The following VSX2 variants were observed in gnomAD, a reference collection of about 807,000 sequenced individuals.
VSX2 encodes ceh-10 homeo domain containing homolog.
A neutral mutation model predicts 32.1 loss-of-function variants in VSX2; 28 were observed. That is an observed-to-expected ratio of 0.87 (90% CI 0.65 to 1.20). The LOEUF is 1.20. Among genes scored for constraint, VSX2 ranks in the 50% most tolerant of loss-of-function variants. The probability of loss-of-function intolerance (pLI) is 0.00; values close to 1 mark genes in which losing one functional copy is unlikely to be tolerated. For synonymous variants in VSX2, 243 were observed against 214.1 expected, an observed-to-expected ratio of 1.14 and a Z score of -1.18; for missense variants, 506 against 488.7, an observed-to-expected ratio of 1.04 and a Z score of -0.33.
At chr14:74,260,041 G>A (rs1183967910) in intron 4 of VSX2, among the ~76,000 whole-genome samples, 1 of 152,204 alleles carries the variant, frequency 6.6e-6, no homozygotes, top group Non-Finnish European at 1.5e-5. Context: ...TTTGTCCTGT[G>A]AGAACAGTGT....
At chr14:74,253,448 T>G (rs752948226) in intron 3 of VSX2, among the ~76,000 whole-genome samples, 6 of 152,200 alleles carry the variant, frequency 3.9e-5, no homozygotes, top group Non-Finnish European at 8.8e-5. Context: ...GTGAAAGGTA[T>G]CCTAGAACAT....
intron 4 of VSX2, 41 bp from the exon 5 acceptor site, chr14:74,260,553 C>T (rs1326194409): frequency 1.9e-6 from 3 of 1,556,782 alleles, no homozygotes; most frequent in Admixed American, 1.9e-5. Flanking sequence ...ATGGCTTTCC[C>T]AGGCGCTTTT....
In VSX2 at chr14:74,241,199, T is replaced by C. The variant is rs758711468; in HGVS notation, c.388T>C (p.Ser130Pro). ...CTTTTCAGATTCTGAAGATGTTTCC[T>C]CCAGCGATCGAAAAATGTCCAAATC... ...TASSDSEDVS[S>P]SDRKMSKSAL... The change falls in exon 2 of 5, where the codon TCC becomes CCC. Residue 130 changes from serine (S) to proline (P), a missense_variant. Transcript: ENST00000261980. 1 of 1,613,476 alleles carries C rather than the reference T, an allele frequency of 6.2e-7. No individual in the cohort carries two copies. The highest frequency in any genetic ancestry group is 1.1e-5 in the South Asian group (1 of 91,080).
Position 74,239,649 on chromosome 14 carries a change from A to G in VSX2, c.88A>G (p.Thr30Ala), listed in dbSNP as rs1021777049. Reference sequence around the variant, plus strand: ...CTCGGGGGGCGCCCCGGCCAGGTGCACTGGGTTCGGCATCCAGGAGATCCT... The same window carrying G: ...CTCGGGGGGCGCCCCGGCCAGGTGCGCTGGGTTCGGCATCCAGGAGATCCT... ...STSGGAPARC[T>A]GFGIQEILGL... The change falls in exon 1 of 5, where the codon ACT becomes GCT. Residue 30 changes from threonine (T) to alanine (A), a missense_variant. Coordinates refer to ENST00000261980, the MANE Select transcript of VSX2 (RefSeq NM_182894.3). 1 of 1,550,892 alleles carries G rather than the reference A, an allele frequency of 6.4e-7. No homozygotes were observed. The highest frequency in any genetic ancestry group is 1.2e-5 in the South Asian group (1 of 84,058).
At chr14:74,249,193 C>T (rs10136850) in intron 3 of VSX2, among the ~76,000 whole-genome samples, 122,698 of 152,226 alleles carry the variant, frequency 0.81, 49,919 homozygotes, top group Admixed American at 0.88. Context: ...TTAATAAAAA[C>T]AGTGTTGTTA....
chr14:74,258,851 C>T (rs1360790968), intron 3 of VSX2, among the ~76,000 whole-genome samples: 1 of 152,230 alleles, frequency 6.6e-6, no homozygotes, highest in African/African-American at 2.4e-5. Flanking sequence ...CCCCCACTCC[C>T]TCCCAGGTCC....
chr14:74,245,300 G>A lies in VSX2; in HGVS notation c.579+12G>A, dbSNP rs2079185331. 6.2e-7 allele frequency: 1 copy of A among 1,613,166 alleles called. No homozygotes were observed. Among genetic ancestry groups the A allele is most frequent in the East Asian group, 2.2e-5 (1 of 44,826 alleles). On this transcript the variant is annotated intron_variant, in intron 3 of 4. Transcript: ENST00000261980. Reference sequence around the variant, plus strand: ...AAGACAGGATACAGGTAACAGCCCTGAGCCCCTCTCCCCTCCACTCTCCCC... The same window carrying A: ...AAGACAGGATACAGGTAACAGCCCTAAGCCCCTCTCCCCTCCACTCTCCCC...
chr14:74,245,434 C>T (rs2079186272), intron 3 of VSX2, 146 bp downstream of exon 3: 1 of 1,156,586 alleles, frequency 8.6e-7, no homozygotes, highest in Non-Finnish European at 1.2e-6. Context: ...CCTATTTAAG[C>T]TGAACACCTG....
At chr14:74,244,365 T>C (rs2079170295) in intron 2 of VSX2, among the ~76,000 whole-genome samples, 1 of 151,992 alleles carries the variant, frequency 6.6e-6, no homozygotes, top group South Asian at 2.1e-4. Flanking sequence ...AGGTGGCCCT[T>C]CCCTTGTCAG....
intron 2 of VSX2, among the ~76,000 whole-genome samples, chr14:74,241,699 G>A (rs1228534483): frequency 1.3e-5 from 2 of 152,224 alleles, no homozygotes; most frequent in Non-Finnish European, 2.9e-5. Context: ...CGGGGTCCCT[G>A]TCCTCTCTGC....
At chr14:74,246,669 C>A (rs1414811639) in intron 3 of VSX2, among the ~76,000 whole-genome samples, 1 of 152,160 alleles carries the variant, frequency 6.6e-6, no homozygotes, top group Non-Finnish European at 1.5e-5. Flanking sequence ...CCCTGCCTGG[C>A]CTTCATTAGC....
At chr14:74,244,881 A>AGTGTGT (rs57885912) in intron 2 of VSX2, among the ~76,000 whole-genome samples, 44 of 51,316 alleles carry the variant, frequency 8.6e-4, no homozygotes, top group South Asian at 5.5e-3. Context: ...AGAGAGAGAA[A>AGTGTGT]GTGTGTGTGT....
At position 74,248,245 on chromosome 14, in the gene VSX2, C is replaced by T. The variant is rs911667945; in HGVS notation, c.579+2957C>T. Reference sequence around the variant, plus strand: ...CTCCAAGTCTGGAGTTAGAAATTCTCGGCCACGCAGTGGCTCAGGCCTGTA... The same window carrying T: ...CTCCAAGTCTGGAGTTAGAAATTCTTGGCCACGCAGTGGCTCAGGCCTGTA... On this transcript the variant is annotated intron_variant, in intron 3 of 4. Coordinates refer to ENST00000261980, the MANE Select transcript of VSX2 (RefSeq NM_182894.3). Among the ~76,000 whole-genome samples, 5 of 149,494 alleles carry T rather than the reference C, an allele frequency of 3.3e-5. No individual in the cohort carries two copies. The East Asian group carries it at 9.9e-4, about 29-fold the overall frequency.
At chr14:74,240,729 C>A (rs903639682) in intron 1 of VSX2, among the ~76,000 whole-genome samples, 3 of 152,208 alleles carry the variant, frequency 2.0e-5, no homozygotes, top group African/African-American at 4.8e-5. Flanking sequence ...TGCCGCCTTG[C>A]GAAAAGGACG....
chr14:74,239,459 AC>A lies in VSX2; in HGVS notation c.-101del. 1 of 1,496,264 alleles carries A rather than the reference AC, an allele frequency of 6.7e-7. No individual in the cohort carries two copies. 92.7% of individuals were successfully genotyped at this position (1,496,264 alleles called of 1,614,324 possible). On this transcript the variant is annotated 5_prime_UTR_variant, in exon 1 of 5. Transcript: ENST00000261980. ...CTCCTTGGGCTCCAGAGCATTAGAC[AC>A]CGGAGGGGGCACCTGGGACCAACTT... is the stretch of plus-strand genomic sequence containing the variant.
rs2079304818 is a variant in VSX2, at chr14:74,261,152, C to T, written c.*233C>T. The stretch of plus-strand genomic sequence containing the variant: ...TCTCCAGCATCCCAGCCTCAGAAGC[C>T]TTCTTGCTGCCCACAACGTCCCCTC... On this transcript the variant is annotated 3_prime_UTR_variant, in exon 5 of 5. Transcript: ENST00000261980. 1.7e-6 allele frequency: 1 copy of T among 575,842 alleles called. No individual in the cohort carries two copies. The highest frequency in any genetic ancestry group is 2.8e-5 in the East Asian group (1 of 35,372). The allele number at this position is 575,842 out of a possible 1,614,324, so 35.7% of individuals were successfully genotyped here.
In VSX2 at chr14:74,259,721, C is replaced by A; in HGVS notation, c.699C>A (p.Pro233=). 6.2e-7 allele frequency: 1 copy of A among 1,613,654 alleles called. No homozygotes were observed. The highest frequency in any genetic ancestry group is 1.7e-4 in the Middle Eastern group (1 of 6,050). Reference sequence around the variant, plus strand: ...TGGTGCGGCACTCCATCCCCCTGCCCGAGTCCATCCTCAAGTCAGCCAAGG... The same window carrying A: ...TGGTGCGGCACTCCATCCCCCTGCCAGAGTCCATCCTCAAGTCAGCCAAGG... The part of the protein sequence containing the change: ...GAMVRHSIPL[P]ESILKSAKDG... The change falls in exon 4 of 5, where the codon CCC becomes CCA. Residue 233 remains proline (P), a synonymous_variant. Coordinates refer to ENST00000261980, the MANE Select transcript of VSX2 (RefSeq NM_182894.3).
intron 2 of VSX2, among the ~76,000 whole-genome samples, chr14:74,242,908 G>A (rs1173569325): frequency 6.6e-6 from 1 of 152,140 alleles, no homozygotes; most frequent in Non-Finnish European, 1.5e-5. Context: ...GGCACTTAGT[G>A]ACCGTCTGTT....
intron 3 of VSX2, among the ~76,000 whole-genome samples, chr14:74,257,355 C>T (rs2079270505): frequency 6.6e-6 from 1 of 152,244 alleles, no homozygotes; most frequent in African/African-American, 2.4e-5. Flanking sequence ...TGCTTCCCAG[C>T]CCCCCAGTTT....
Sources: allele counts gnomAD v4.1 joint callset (sites outside exome capture counted in the v4.1 genomes callset), GRCh38; gene constraint gnomAD v4.1.1; transcripts MANE v1.5; gene names NCBI Gene and HGNC (gene_info 2026-07-23, HGNC 2026-07-21).